The following ATAD2B variants were observed in gnomAD, a reference collection of about 807,000 sequenced individuals.
ATAD2B encodes ATPase family AAA domain containing 2B, also known as ATPase family AAA domain-containing protein 2B.
In ATAD2B, 40 loss-of-function variants were observed where a neutral mutation model predicts 167.6. The observed-to-expected ratio is 0.24, with a 90% CI of 0.19 to 0.31. The LOEUF is 0.31. Among genes scored for constraint, ATAD2B ranks in the 10% least tolerant of loss-of-function variants. The probability of loss-of-function intolerance (pLI) is 1.00; values close to 1 mark genes in which losing one functional copy is unlikely to be tolerated. For missense variants in ATAD2B, 1,242 were observed against 1,757.2 expected, an observed-to-expected ratio of 0.71 and a Z score of 5.24; for synonymous variants, 579 against 596.5, an observed-to-expected ratio of 0.97 and a Z score of 0.43.
chr2:23,823,174 CATAA>C, intron 16 of ATAD2B, 80 bp downstream of exon 16: 3 of 1,178,220 alleles, frequency 2.5e-6, no homozygotes, highest in Non-Finnish European at 3.5e-6. Context: ...AAAAGTGACA[CATAA>C]ATAATCTTAT....
At chr2:23,717,808 A>C in the ATAD2B span, among the ~76,000 whole-genome samples, 6 of 152,222 alleles carry the variant, frequency 3.9e-5, no homozygotes, top group Non-Finnish European at 5.9e-5. Context: ...GCATGTGACA[A>C]TAATATAGGA....
downstream of ATAD2B, among the ~76,000 whole-genome samples, chr2:23,745,419 AGGAAAGGGAAGGGAAG>A (rs1248713541): frequency 6.2e-5 from 8 of 128,146 alleles, no homozygotes; most frequent in Non-Finnish European, 1.2e-4. Context: ...GAAGGAAGGA[AGGAAAGGGAAGGGAAG>A]GGAAGGGAAG....
intron 1 of ATAD2B, among the ~76,000 whole-genome samples, chr2:23,919,191 AGAG>A (rs1703525505): frequency 6.7e-6 from 1 of 150,292 alleles, no homozygotes; most frequent in South Asian, 2.1e-4. Flanking sequence ...AAAAAAAAAG[AGAG>A]AGAGAGAGAG....
chr2:23,783,052 A>T (rs1258591870), intron 21 of ATAD2B, 24 bp from the exon 22 acceptor site: 1 of 1,320,672 alleles, frequency 7.6e-7, no homozygotes, highest in African/African-American at 1.5e-5. Flanking sequence ...TTTAATAAAA[A>T]TTACTTCCAG....
intron 7 of ATAD2B, 98 bp from the exon 8 acceptor site, chr2:23,876,002 T>C: frequency 2.1e-6 from 2 of 936,130 alleles, no homozygotes; most frequent in South Asian, 3.1e-5. Flanking sequence ...TTTTTGTTGT[T>C]GTTGTTTTTT....
At chr2:23,888,326 C>T in intron 3 of ATAD2B, 24 bp downstream of exon 3, 1 of 1,504,586 alleles carries the variant, frequency 6.6e-7, no homozygotes, top group African/African-American at 1.4e-5. Context: ...TTAAAACTAA[C>T]CAGTTTTATA....
At chr2:23,925,076 C>A (rs910796996) in intron 1 of ATAD2B, among the ~76,000 whole-genome samples, 2 of 152,174 alleles carry the variant, frequency 1.3e-5, no homozygotes, top group African/African-American at 4.8e-5. Context: ...CAGAAAAGAT[C>A]TTTTCTTAAA....
In ATAD2B at chr2:23,757,897, T is replaced by C; in HGVS notation, c.3599A>G (p.Asp1200Gly). 1 of 1,602,582 alleles carries C rather than the reference T, an allele frequency of 6.2e-7. No homozygotes were observed. The highest frequency in any genetic ancestry group is 8.5e-7 in the Non-Finnish European group (1 of 1,176,952). ...TGATTCATCATTGGTCATAGATAAG[T>C]CTCCAGTCTCTTCTCCATTTTCCTC... ...CHEENGEETG[D>G]LSMTNDESSC... Residue 1200 changes from aspartate to glycine, a missense_variant, in exon 25 of 28, where the codon GAC (aspartate) becomes GGC (glycine). Asp to Gly is a moderately conservative substitution (Grantham distance 94). Around this residue, in one of 9 missense-constraint regions of ATAD2B, gnomAD observed 282 missense variants for 346.8 expected, o/e 0.81. Transcript: ENST00000238789.
intron 6 of ATAD2B, among the ~76,000 whole-genome samples, chr2:23,881,351 T>G: frequency 7.0e-6 from 1 of 143,340 alleles, no homozygotes. Flanking sequence ...TTGACATGAG[T>G]GATCAATTCT....
intron 7 of ATAD2B, among the ~76,000 whole-genome samples, chr2:23,880,046 C>A: frequency 6.8e-6 from 1 of 146,236 alleles, no homozygotes; most frequent in Non-Finnish European, 1.5e-5. Context: ...TGACTGCAGA[C>A]TCTGTTTTTA....
At chr2:23,764,663 A>G (rs2149328508) in intron 23 of ATAD2B, among the ~76,000 whole-genome samples, 1 of 152,318 alleles carries the variant, frequency 6.6e-6, no homozygotes, top group East Asian at 1.9e-4. Flanking sequence ...AGCCTCTATC[A>G]GATTAGGTGG....
intron 8 of ATAD2B, among the ~76,000 whole-genome samples, chr2:23,874,247 C>G (rs1424775949): frequency 6.6e-6 from 1 of 151,032 alleles, no homozygotes; most frequent in Non-Finnish European, 1.5e-5. Flanking sequence ...AAAACAAACT[C>G]AAACCATATA....
intron 24 of ATAD2B, among the ~76,000 whole-genome samples, chr2:23,761,198 A>G (rs1455041040): frequency 2.6e-5 from 4 of 152,262 alleles, no homozygotes; most frequent in Non-Finnish European, 5.9e-5. Context: ...TCACGGCATC[A>G]TCGAGTCCTT....
intron 23 of ATAD2B, among the ~76,000 whole-genome samples, chr2:23,764,644 T>C (rs1677167769): frequency 1.3e-5 from 2 of 152,266 alleles, no homozygotes; most frequent in African/African-American, 2.4e-5. Context: ...TAATGCCAAA[T>C]GCTACCAAAG....
At chr2:23,769,000 C>A (rs1012593920) in intron 22 of ATAD2B, among the ~76,000 whole-genome samples, 1 of 152,132 alleles carries the variant, frequency 6.6e-6, no homozygotes, top group Non-Finnish European at 1.5e-5. Context: ...TGGAAATATA[C>A]ACGTTAATTT....
At chr2:23,706,236 C>A in the ATAD2B span, among the ~76,000 whole-genome samples, 3 of 152,178 alleles carry the variant, frequency 2.0e-5, no homozygotes, top group Non-Finnish European at 4.4e-5. Flanking sequence ...GTCACTCTGG[C>A]GGGGCAGGGA....
At chr2:23,829,654 C>T (rs1688754630) in intron 14 of ATAD2B, among the ~76,000 whole-genome samples, 1 of 152,054 alleles carries the variant, frequency 6.6e-6, no homozygotes, top group Non-Finnish European at 1.5e-5. Flanking sequence ...ACTCAGGAAG[C>T]TGAGGTGGGA....
At chr2:23,719,343 G>T in the ATAD2B span, among the ~76,000 whole-genome samples, 1 of 152,126 alleles carries the variant, frequency 6.6e-6, no homozygotes, top group Non-Finnish European at 1.5e-5. Context: ...ACCCTAAGGA[G>T]GAAAAGCAAT....
chr2:23,709,739 T>C, the ATAD2B span, among the ~76,000 whole-genome samples: 1 of 152,172 alleles, frequency 6.6e-6, no homozygotes, highest in Non-Finnish European at 1.5e-5. Context: ...CATACTCTTG[T>C]CAAATAAATA....
Sources: allele counts gnomAD v4.1 joint callset (sites outside exome capture counted in the v4.1 genomes callset), GRCh38; gene constraint gnomAD v4.1.1; regional missense constraint gnomAD v4.1.1; transcripts MANE v1.5; gene names NCBI Gene and HGNC (gene_info 2026-07-23, HGNC 2026-07-21).